The following SFMBT1 variants were observed in gnomAD, a reference collection of about 807,000 sequenced individuals.
SFMBT1 encodes scm-like with four MBT domains protein 1.
In SFMBT1, 32 loss-of-function variants were observed where a neutral mutation model predicts 108.7. The ratio of observed to expected loss-of-function variants is 0.29; its 90% CI spans 0.22 to 0.40. The LOEUF (loss-of-function observed/expected upper bound fraction) is 0.40, where lower values mean the gene tolerates loss of function less well. SFMBT1 is among the 10% of genes least tolerant of loss of function. The pLI is 1.00. For synonymous variants in SFMBT1, 348 were observed against 369.5 expected, an observed-to-expected ratio of 0.94 and a Z score of 0.67; for missense variants, 816 against 1,059.6, an observed-to-expected ratio of 0.77 and a Z score of 3.19.
In SFMBT1 at chr3:52,907,128, T is replaced by C. The variant is rs1190947505; in HGVS notation, c.2272A>G (p.Lys758Glu). ...AATGAAAAGGTGCGAAGCTCCCTTT[T>C]TCTCCTTTGTCTATCTGGAGGCAGC... ...TSLPPDRQRR[K>E]RELRTFSFSD... is the part of the protein sequence containing the mutation. Residue 758 changes from lysine (K) to glutamate (E), a missense_variant, in exon 19 of 21, where the codon AAA becomes GAA. Physicochemically the swap from Lys to Glu is moderately conservative, Grantham distance 56. Around this residue, in one of 5 missense-constraint regions of SFMBT1, gnomAD observed 177 missense variants for 182.0 expected, o/e 0.97. Coordinates refer to ENST00000394752, the MANE Select transcript of SFMBT1 (RefSeq NM_016329.4). 1.2e-6 allele frequency: 2 copies of C among 1,614,124 alleles called. No homozygotes were observed. Among genetic ancestry groups the C allele is most frequent in the Admixed American group, 3.3e-5 (2 of 60,008 alleles).
intron 17 of SFMBT1, 70 bp downstream of exon 17, chr3:52,910,933 G>A (rs1702199197): frequency 1.4e-6 from 2 of 1,478,170 alleles, no homozygotes; most frequent in Non-Finnish European, 1.9e-6. Flanking sequence ...TGTCTGTAAA[G>A]TAAAAAACTT....
chr3:52,967,937 C>T (rs1261301873), intron 2 of SFMBT1, among the ~76,000 whole-genome samples: 2 of 152,168 alleles, frequency 1.3e-5, no homozygotes, highest in Non-Finnish European at 2.9e-5. Context: ...TAAATATGAT[C>T]TAGTGATTGT....
intron 1 of SFMBT1, among the ~76,000 whole-genome samples, chr3:53,022,293 C>T (rs1699337051): frequency 6.6e-6 from 1 of 151,622 alleles, no homozygotes; most frequent in African/African-American, 2.4e-5. Flanking sequence ...CTAGTAAAAA[C>T]ACAAAAATTA....
intron 1 of SFMBT1, among the ~76,000 whole-genome samples, chr3:53,001,749 T>TA (rs1333717901): frequency 7.3e-4 from 106 of 145,316 alleles, no homozygotes; most frequent in African/African-American, 2.5e-3. Flanking sequence ...ATCCTATCTC[T>TA]ACCAAAAAAA....
At chr3:53,018,716 T>C (rs1237023021) in intron 1 of SFMBT1, among the ~76,000 whole-genome samples, 3 of 152,202 alleles carry the variant, frequency 2.0e-5, no homozygotes, top group Non-Finnish European at 1.5e-5. Context: ...AGGTCACCAA[T>C]GACCTTCCAA....
Position 52,930,436 on chromosome 3 carries a change from A to G in SFMBT1, c.796-6T>C. ...ATGCCAATAACTTGTTTGTCCTGAA[A>G]TGCAGACACCAAAAGGGGATGAAAA... is the stretch of plus-strand genomic sequence containing the variant. On this transcript the variant is annotated splice_region_variant and splice_polypyrimidine_tract_variant and intron_variant, in intron 7 of 20. Transcript: ENST00000394752. 1 of 1,538,626 alleles carries G rather than the reference A, an allele frequency of 6.5e-7. No individual in the cohort carries two copies. The highest frequency in any genetic ancestry group is 9.0e-7 in the Non-Finnish European group (1 of 1,111,348).
At chr3:52,907,473 A>T in intron 18 of SFMBT1, 82 bp downstream of exon 18, 1 of 1,532,270 alleles carries the variant, frequency 6.5e-7, no homozygotes, top group Non-Finnish European at 8.7e-7. Flanking sequence ...AGTTAGAAAG[A>T]CCTGCAGGTA....
At chr3:52,906,394 C>T in intron 19 of SFMBT1, among the ~76,000 whole-genome samples, 153 bp from the exon 20 acceptor site, 1 of 152,192 alleles carries the variant, frequency 6.6e-6, no homozygotes, top group East Asian at 1.9e-4. Context: ...GACCCACGTG[C>T]ATCAGGTACT....
intron 5 of SFMBT1, among the ~76,000 whole-genome samples, chr3:52,933,018 C>T (rs1702902773): frequency 6.6e-6 from 1 of 152,128 alleles, no homozygotes; most frequent in African/African-American, 2.4e-5. Flanking sequence ...GTAATCCCAC[C>T]TCAAAGAAAG....
intron 1 of SFMBT1, among the ~76,000 whole-genome samples, chr3:52,999,499 G>C (rs1489918421): frequency 6.7e-6 from 1 of 150,248 alleles, no homozygotes; most frequent in Non-Finnish European, 1.5e-5. Context: ...GACATCGCAG[G>C]GGAGGCAAAA....
chr3:52,978,950 A>G (rs1204445044), intron 1 of SFMBT1, among the ~76,000 whole-genome samples: 2 of 152,212 alleles, frequency 1.3e-5, no homozygotes, highest in African/African-American at 4.8e-5. Context: ...AAGGGCTGGT[A>G]GAGAAAAGGT....
At chr3:52,966,189 C>T (rs1196104480) in intron 2 of SFMBT1, among the ~76,000 whole-genome samples, 26 of 147,514 alleles carry the variant, frequency 1.8e-4, no homozygotes, top group African/African-American at 6.0e-4. Context: ...TGGTGGCGGG[C>T]GCCTGTAGTC....
At chr3:52,967,282 T>C (rs1467096175) in intron 2 of SFMBT1, among the ~76,000 whole-genome samples, 1 of 152,154 alleles carries the variant, frequency 6.6e-6, no homozygotes, top group Non-Finnish European at 1.5e-5. Context: ...GTCAAGAACC[T>C]TATTTCAAAT....
chr3:53,006,147 G>A (rs576865131), intron 1 of SFMBT1, among the ~76,000 whole-genome samples: 23 of 152,324 alleles, frequency 1.5e-4, no homozygotes, highest in South Asian at 1.0e-3. Context: ...TAGAAAGCTA[G>A]GTTGGAGTTA....
intron 11 of SFMBT1, among the ~76,000 whole-genome samples, chr3:52,921,223 T>A (rs1320937791): frequency 1.3e-5 from 2 of 152,220 alleles, no homozygotes; most frequent in Non-Finnish European, 2.9e-5. Context: ...ATAAAAAAGC[T>A]GCTCAGGGCA....
intron 3 of SFMBT1, among the ~76,000 whole-genome samples, chr3:52,944,595 C>T (rs1703296256): frequency 6.6e-6 from 1 of 152,158 alleles, no homozygotes; most frequent in South Asian, 2.1e-4. Context: ...TCTCGGCTTA[C>T]CGCAACCTCT....
intron 1 of SFMBT1, among the ~76,000 whole-genome samples, chr3:52,993,334 G>A (rs1380402908): frequency 1.3e-5 from 2 of 149,886 alleles, no homozygotes; most frequent in East Asian, 1.9e-4. Flanking sequence ...TATATTACAC[G>A]TAAAAGTCCA....
chr3:52,974,029 T>C (rs975487726), intron 1 of SFMBT1, among the ~76,000 whole-genome samples: 2 of 152,036 alleles, frequency 1.3e-5, no homozygotes, highest in African/African-American at 2.4e-5. Flanking sequence ...GCAAGAAAAA[T>C]TTCTGTGGGA....
intron 1 of SFMBT1, among the ~76,000 whole-genome samples, chr3:53,029,642 G>C (rs1176250196): frequency 6.6e-6 from 1 of 152,212 alleles, no homozygotes; most frequent in Non-Finnish European, 1.5e-5. Context: ...CAAAAGCAAA[G>C]TATCTGAATT....
Sources: gnomAD v4.1 joint callset for allele counts (sites outside exome capture counted in the v4.1 genomes callset) on GRCh38, gnomAD v4.1.1 for gene constraint, gnomAD v4.1.1 regional missense constraint, MANE v1.5 for transcripts, NCBI Gene and HGNC (gene_info 2026-07-23, HGNC 2026-07-21) for gene names.